The following SLC44A5 variants were observed in gnomAD, a reference collection of about 807,000 sequenced individuals.
SLC44A5 encodes the protein choline transporter-like protein 5.
Under a neutral mutation model 101.8 loss-of-function variants are expected in SLC44A5, and 57 were observed. That is an observed-to-expected ratio of 0.56 (90% CI 0.45 to 0.70). The LOEUF (loss-of-function observed/expected upper bound fraction) is 0.70. Among genes scored for constraint, SLC44A5 ranks in the 30% least tolerant of loss-of-function variants. SLC44A5 has a pLI of 0.00. For missense variants in SLC44A5, 737 were observed against 853.1 expected, an observed-to-expected ratio of 0.86 and a Z score of 1.70; for synonymous variants, 281 against 290.9, an observed-to-expected ratio of 0.97 and a Z score of 0.35.
At chr1:75,578,139 T>C (rs1289921686) in intron 1 of SLC44A5, among the ~76,000 whole-genome samples, 1 of 152,082 alleles carries the variant, frequency 6.6e-6, no homozygotes, top group Non-Finnish European at 1.5e-5. Flanking sequence ...AATCCATAAA[T>C]ACAGTTTCTA....
intron 2 of SLC44A5, among the ~76,000 whole-genome samples, chr1:75,423,494 G>C (rs12408190): frequency 0.098 from 14,971 of 152,072 alleles, 905 homozygotes; most frequent in Admixed American, 0.19. Context: ...TTTTTATTTT[G>C]ACCTTAAATT....
Position 75,477,397 on chromosome 1 carries a change from T to C in SLC44A5, c.13+64038A>G, listed in dbSNP as rs973025420. 1.4e-4 allele frequency among the ~76,000 whole-genome samples: 21 copies of C among 152,336 alleles called. 1 individual carries two copies. The highest frequency in any genetic ancestry group is 1.2e-3 in the Admixed American group (19 of 15,300). ...TTCCTCACCAGCAACGGAACAAAGC[T>C]GTACGGAGAATGACTTTGACGAGTT... On this transcript the variant is annotated intron_variant, in intron 2 of 23. Coordinates refer to ENST00000370859, the MANE Select transcript of SLC44A5 (RefSeq NM_001130058.2).
At chr1:75,360,750 C>A (rs1398270725) in intron 3 of SLC44A5, among the ~76,000 whole-genome samples, 3 of 152,072 alleles carry the variant, frequency 2.0e-5, no homozygotes. Flanking sequence ...GGTGCAATGT[C>A]TTTGGCTTTG....
intron 4 of SLC44A5, among the ~76,000 whole-genome samples, chr1:75,324,646 A>T (rs1395973099): frequency 6.6e-6 from 1 of 152,200 alleles, no homozygotes; most frequent in East Asian, 1.9e-4. Context: ...CAATTGCTCC[A>T]GTCTGAAGGC....
At chr1:75,206,617 T>G in intron 23 of SLC44A5, 1 of 1,605,004 alleles carries the variant, frequency 6.2e-7, no homozygotes, top group Non-Finnish European at 8.5e-7. Context: ...CTACTCTTTC[T>G]GCTTCTGGGG....
At chr1:75,616,353 G>C in the SLC44A5 span, among the ~76,000 whole-genome samples, 2 of 152,058 alleles carry the variant, frequency 1.3e-5, no homozygotes, top group South Asian at 4.1e-4. Flanking sequence ...GCGGCGGCGG[G>C]GAGCTGCTGG....
intron 13 of SLC44A5, among the ~76,000 whole-genome samples, chr1:75,223,131 A>G (rs1179903975): frequency 6.6e-6 from 1 of 152,234 alleles, no homozygotes; most frequent in African/African-American, 2.4e-5. Context: ...GAATCTGCAG[A>G]GAAAGAATAA....
At chr1:75,682,917 C>T in the SLC44A5 span, among the ~76,000 whole-genome samples, 979 of 152,068 alleles carry the variant, frequency 6.4e-3, 13 homozygotes, top group Admixed American at 0.035. Context: ...AAGAAAAAAA[C>T]AAACAACCCC....
chr1:75,641,478 C>A, the SLC44A5 span: 2 of 1,426,758 alleles, frequency 1.4e-6, no homozygotes, highest in East Asian at 2.3e-5. Flanking sequence ...CCACTGCCAG[C>A]AGAAGTTGGG....
chr1:75,571,925 A>G (rs1673097394), intron 1 of SLC44A5, among the ~76,000 whole-genome samples: 1 of 152,238 alleles, frequency 6.6e-6, no homozygotes, highest in Non-Finnish European at 1.5e-5. Flanking sequence ...AATGAATTAG[A>G]ATTAGTCTGA....
At chr1:75,506,102 T>C (rs1570472221) in intron 2 of SLC44A5, among the ~76,000 whole-genome samples, 2 of 152,144 alleles carry the variant, frequency 1.3e-5, no homozygotes. Context: ...ATTTATTGAA[T>C]AGGAAGTCCT....
chr1:75,262,475 G>A (rs609094), intron 6 of SLC44A5, among the ~76,000 whole-genome samples: 118,918 of 152,130 alleles, frequency 0.78, 46,785 homozygotes, highest in East Asian at 0.95. Flanking sequence ...GTTCAAGGAA[G>A]TAAGAGAGGA....
chr1:75,369,257 ATCC>A (rs1378834982), intron 3 of SLC44A5, among the ~76,000 whole-genome samples: 1 of 151,910 alleles, frequency 6.6e-6, no homozygotes, highest in Non-Finnish European at 1.5e-5. Context: ...GCCTCAAGCT[ATCC>A]TCCTTCCTCA....
At chr1:75,543,606 T>C (rs909425051) in intron 1 of SLC44A5, among the ~76,000 whole-genome samples, 1 of 141,914 alleles carries the variant, frequency 7.0e-6, no homozygotes, top group Non-Finnish European at 1.5e-5. Flanking sequence ...TATATATATA[T>C]ATACACACAC....
chr1:75,572,508 G>A (rs778364016), intron 1 of SLC44A5, among the ~76,000 whole-genome samples: 32 of 152,122 alleles, frequency 2.1e-4, no homozygotes, highest in Non-Finnish European at 4.3e-4. Context: ...TATTACTAAC[G>A]CACTGTGCCT....
intron 2 of SLC44A5, among the ~76,000 whole-genome samples, chr1:75,489,055 T>A (rs944371155): frequency 6.6e-6 from 1 of 151,980 alleles, no homozygotes; most frequent in African/African-American, 2.4e-5. Flanking sequence ...TCCATGTTGG[T>A]CAGGCTCGTC....
Position 75,275,022 on chromosome 1 carries a change from T to C in SLC44A5, c.196A>G (p.Arg66Gly). Residue 66 changes from arginine (R) to glycine (G), a missense_variant, in exon 6 of 24, where the codon AGA (arginine) becomes GGA (glycine). Physicochemically the swap from Arg to Gly is moderately radical, Grantham distance 125. Around this residue, in one of 3 missense-constraint regions of SLC44A5, gnomAD observed 665 missense variants for 764.4 expected, o/e 0.87. Coordinates refer to ENST00000370859, the MANE Select transcript of SLC44A5 (RefSeq NM_001130058.2). ...CTGTCTGTAGGATAGGCTGCTCTTC[T>C]GGGGTCCCCATGTACCCAGGCTGCA... ...GLVAWVHGDP[R>G]RAAYPTDSQG... 6.2e-7 allele frequency: 1 copy of C among 1,612,844 alleles called. No homozygotes were observed. The highest frequency in any genetic ancestry group is 8.5e-7 in the Non-Finnish European group (1 of 1,179,396).
At chr1:75,325,235 A>C (rs1050744451) in intron 4 of SLC44A5, among the ~76,000 whole-genome samples, 1 of 152,172 alleles carries the variant, frequency 6.6e-6, no homozygotes, top group Non-Finnish European at 1.5e-5. Context: ...AAGACAGAAG[A>C]GGGCACTGAG....
At chr1:75,706,957 C>A in the SLC44A5 span, among the ~76,000 whole-genome samples, 2 of 152,098 alleles carry the variant, frequency 1.3e-5, no homozygotes, top group African/African-American at 2.4e-5. Flanking sequence ...CTCTAAAATA[C>A]CTTCTAAGAC....
Sources: allele counts gnomAD v4.1 joint callset (sites outside exome capture counted in the v4.1 genomes callset), GRCh38; gene constraint gnomAD v4.1.1; regional missense constraint gnomAD v4.1.1; transcripts MANE v1.5; gene names NCBI Gene and HGNC (gene_info 2026-07-23, HGNC 2026-07-21).